The following CFAP299 variants were observed in gnomAD, a reference collection of about 807,000 sequenced individuals.
The protein encoded by CFAP299 is cilia- and flagella-associated protein 299.
In CFAP299, 21 loss-of-function variants were observed where a neutral mutation model predicts 27.0. That is an observed-to-expected ratio of 0.78 (90% CI 0.55 to 1.12). The LOEUF (loss-of-function observed/expected upper bound fraction) is 1.12. Among genes scored for constraint, CFAP299 ranks in the 50% most tolerant of loss-of-function variants. CFAP299 has a pLI of 0.00. For synonymous variants in CFAP299, 104 were observed against 98.1 expected, an observed-to-expected ratio of 1.06 and a Z score of -0.36; for missense variants, 310 against 276.6, an observed-to-expected ratio of 1.12 and a Z score of -0.86.
At chr4:80,650,971 C>G (rs1032708459) in intron 3 of CFAP299, among the ~76,000 whole-genome samples, 2 of 151,752 alleles carry the variant, frequency 1.3e-5, no homozygotes, top group Non-Finnish European at 2.9e-5. Context: ...AGAACTTACT[C>G]AAGTAACCAA....
At chr4:80,671,364 C>G (rs1447126475) in intron 3 of CFAP299, among the ~76,000 whole-genome samples, 1 of 152,108 alleles carries the variant, frequency 6.6e-6, no homozygotes, top group African/African-American at 2.4e-5. Context: ...TGTTTTGGTA[C>G]CAGTACCATG....
At chr4:80,453,599 G>A (rs1039605028) in intron 2 of CFAP299, among the ~76,000 whole-genome samples, 4 of 151,924 alleles carry the variant, frequency 2.6e-5, no homozygotes, top group Non-Finnish European at 4.4e-5. Flanking sequence ...CCAGCACTTT[G>A]GGAGGCTGAG....
intron 1 of CFAP299, among the ~76,000 whole-genome samples, chr4:80,340,081 AG>A (rs535920953): frequency 3.7e-4 from 57 of 152,338 alleles, no homozygotes; most frequent in Non-Finnish European, 6.8e-4. Context: ...GCTGTCATGG[AG>A]AAGAATGAAA....
the CFAP299 span, among the ~76,000 whole-genome samples, chr4:80,324,604 TTGC>T: frequency 1.3e-5 from 2 of 152,186 alleles, no homozygotes. Flanking sequence ...GGCAGTGGTG[TTGC>T]TGCCACCGTC....
At chr4:80,338,289 T>C (rs1722261593) in intron 1 of CFAP299, among the ~76,000 whole-genome samples, 1 of 152,224 alleles carries the variant, frequency 6.6e-6, no homozygotes, top group Non-Finnish European at 1.5e-5. Context: ...TATCATTTTT[T>C]TGTGGTGAGA....
intron 3 of CFAP299, among the ~76,000 whole-genome samples, chr4:80,856,152 G>A (rs1226686348): frequency 6.6e-6 from 1 of 151,686 alleles, no homozygotes; most frequent in Non-Finnish European, 1.5e-5. Context: ...TTTCTCTGAT[G>A]GCCAGTGATG....
intron 2 of CFAP299, among the ~76,000 whole-genome samples, chr4:80,426,676 A>G (rs1015904442): frequency 1.3e-5 from 2 of 152,198 alleles, no homozygotes; most frequent in African/African-American, 2.4e-5. Flanking sequence ...GGTGATTCTT[A>G]TGCTCAAACA....
chr4:80,743,912 A>G (rs1281225320), intron 3 of CFAP299, among the ~76,000 whole-genome samples: 1 of 152,186 alleles, frequency 6.6e-6, no homozygotes, highest in South Asian at 2.1e-4. Flanking sequence ...TTTATAGTAA[A>G]TACGATTGTT....
At chr4:80,821,368 T>G (rs1429951232) in intron 3 of CFAP299, among the ~76,000 whole-genome samples, 1 of 152,192 alleles carries the variant, frequency 6.6e-6, no homozygotes, top group Non-Finnish European at 1.5e-5. Context: ...AACTATAGGT[T>G]TGAAAAACAA....
intron 3 of CFAP299, among the ~76,000 whole-genome samples, chr4:80,847,527 A>C (rs908450999): frequency 1.6e-4 from 24 of 152,186 alleles, no homozygotes; most frequent in African/African-American, 4.3e-4. Flanking sequence ...GTGACCCTAC[A>C]TGCCATCTAT....
chr4:80,739,486 A>T (rs1217510641), intron 3 of CFAP299, among the ~76,000 whole-genome samples: 2 of 152,006 alleles, frequency 1.3e-5, no homozygotes, highest in Admixed American at 1.3e-4. Flanking sequence ...TGTTTCGTTC[A>T]TCATTTTAAA....
intron 3 of CFAP299, among the ~76,000 whole-genome samples, chr4:80,813,322 C>A (rs1394625726): frequency 1.3e-5 from 2 of 151,868 alleles, no homozygotes; most frequent in African/African-American, 4.8e-5. Flanking sequence ...TAGCACTCAA[C>A]AACTACATTT....
At chr4:80,922,693 G>A (rs1260044005) in intron 4 of CFAP299, among the ~76,000 whole-genome samples, 1 of 151,418 alleles carries the variant, frequency 6.6e-6, no homozygotes, top group African/African-American at 2.4e-5. Context: ...TCTTTTTTTG[G>A]ATTTAAAAGT....
intron 2 of CFAP299, among the ~76,000 whole-genome samples, chr4:80,409,266 C>A (rs1327486915): frequency 1.3e-5 from 2 of 151,668 alleles, no homozygotes; most frequent in African/African-American, 4.8e-5. Context: ...GCCCTAAAAC[C>A]CTCAGAAATG....
At chr4:80,843,616 A>T (rs1730991615) in intron 3 of CFAP299, among the ~76,000 whole-genome samples, 1 of 152,062 alleles carries the variant, frequency 6.6e-6, no homozygotes, top group Non-Finnish European at 1.5e-5. Flanking sequence ...GGCTGGGTCA[A>T]ATACTATTTC....
chr4:80,566,293 A>G (rs1461611098), intron 2 of CFAP299, among the ~76,000 whole-genome samples: 1 of 152,002 alleles, frequency 6.6e-6, no homozygotes, highest in East Asian at 1.9e-4. Flanking sequence ...TTTTTTAAGT[A>G]TCTTTCTTCC....
At chr4:80,367,756 G>A (rs1392206998) in intron 2 of CFAP299, among the ~76,000 whole-genome samples, 3 of 152,238 alleles carry the variant, frequency 2.0e-5, no homozygotes, top group Admixed American at 2.0e-4. Context: ...GTTGGAAGAA[G>A]GGATGGGAGT....
chr4:80,954,788 A>C (rs998228305), intron 5 of CFAP299, among the ~76,000 whole-genome samples: 9 of 151,902 alleles, frequency 5.9e-5, no homozygotes, highest in Admixed American at 5.9e-4. Flanking sequence ...CCACGAGGTC[A>C]GGTGATCGAG....
rs1290444757 is a variant in CFAP299 at position 80,870,290 on chromosome 4, A to T, written c.476+155A>T. The stretch of plus-strand genomic sequence containing the variant: ...ATAACTAAATCTTAAAATAAGGAAT[A>T]AGCATAGATGCATTGTTTTTCCTTT... On this transcript the variant is annotated intron_variant, in intron 4 of 5. Coordinates refer to ENST00000358105, the MANE Select transcript of CFAP299 (RefSeq NM_152770.3). The T allele has an allele frequency of 1.3e-5, 17 of 1,278,408 alleles. No homozygotes were observed. In the East Asian group the frequency reaches 4.9e-4, roughly 37 times the overall value. 79.2% of individuals were successfully genotyped at this position (1,278,408 alleles called of 1,614,324 possible).
Sources: gnomAD v4.1 joint callset for allele counts (sites outside exome capture counted in the v4.1 genomes callset) on GRCh38, gnomAD v4.1.1 for gene constraint, MANE v1.5 for transcripts, NCBI Gene and HGNC (gene_info 2026-07-23, HGNC 2026-07-21) for gene names.